Variants in NDRG2 observed in about 807,000 individuals in gnomAD.
NDRG2 encodes protein NDRG2.
Under a neutral mutation model 58.2 loss-of-function variants are expected in NDRG2, and 34 were observed. The observed-to-expected ratio is 0.58, with a 90% CI of 0.44 to 0.78. The LOEUF is 0.78. Among genes scored for constraint, NDRG2 ranks in the 30% least tolerant of loss-of-function variants. The probability of loss-of-function intolerance (pLI) is 0.00; values close to 1 mark genes in which losing one functional copy is unlikely to be tolerated. For missense variants in NDRG2, 434 were observed against 471.2 expected, an observed-to-expected ratio of 0.92 and a Z score of 0.73; for synonymous variants, 187 against 175.9, an observed-to-expected ratio of 1.06 and a Z score of -0.50.
At chr14:21,018,370 G>A in intron 13 of NDRG2, 87 bp downstream of exon 13, 1 of 1,605,402 alleles carries the variant, frequency 6.2e-7, no homozygotes. Context: ...CACCCCATTT[G>A]CTCCCATGCC....
chr14:21,043,152 G>C, intron 1 of NDRG2: 1 of 1,614,146 alleles, frequency 6.2e-7, no homozygotes, highest in Non-Finnish European at 8.5e-7. Flanking sequence ...ATGCAACTCA[G>C]CCATGAAAAA....
At chr14:21,025,548 C>T, upstream of NDRG2, 1 of 985,338 alleles carries the variant, frequency 1.0e-6, no homozygotes, top group East Asian at 1.1e-4. This position sits in a 1 kb window ranked among gnomAD's most constrained non-coding sequence, Gnocchi z 5.1. Flanking sequence ...AGGAGGTGGG[C>T]GGGACCGCCG....
intron 1 of NDRG2, among the ~76,000 whole-genome samples, chr14:21,047,818 G>C (rs900418805): frequency 2.0e-5 from 3 of 152,112 alleles, no homozygotes; most frequent in South Asian, 2.1e-4. Flanking sequence ...ATCTGAGGTA[G>C]ACTGGGGAGG....
intron 6 of NDRG2, chr14:21,021,417 C>T (rs996376117): frequency 6.4e-6 from 2 of 312,206 alleles, no homozygotes; most frequent in Non-Finnish European, 1.2e-5. Flanking sequence ...CCTTCCCCAA[C>T]TCTCTCTCAC....
chr14:21,025,100 A>T (rs1295691667), upstream of NDRG2: 3 of 984,328 alleles, frequency 3.0e-6, no homozygotes, highest in Non-Finnish European at 1.2e-6. The surrounding 1 kb of genome is among the most constrained non-coding windows in gnomAD (Gnocchi z 5.1). Context: ...GGCTTCCCGC[A>T]GACCCGCCCC....
chr14:21,059,535 C>T (rs887060703), intron 1 of NDRG2, among the ~76,000 whole-genome samples: 1 of 151,844 alleles, frequency 6.6e-6, no homozygotes, highest in East Asian at 1.9e-4. Context: ...CACTCTGTCA[C>T]CCATGCTGCA....
In NDRG2 at chr14:21,037,116, C is replaced by T. The variant is rs190424213; in HGVS notation, c.25-13795G>A. 4.9e-3 allele frequency among the ~76,000 whole-genome samples: 615 copies of T among 126,470 alleles called. 3 individuals are homozygous for T. The highest frequency in any genetic ancestry group is 0.019 in the African/African-American group (567 of 29,272). The allele number at this position is 126,470 out of a possible 152,430, so 83.0% of individuals were successfully genotyped here. On this transcript the variant is annotated intron_variant, in intron 1 of 14. Coordinates refer to the NDRG2 transcript ENST00000403829. ...TCCCCAGCCACCCATCACCGCTCTT[C>T]GCTCCCCCCACCCAACACCACTCAC...
chr14:21,039,738 G>T (rs1884805986), intron 1 of NDRG2, among the ~76,000 whole-genome samples: 1 of 152,188 alleles, frequency 6.6e-6, no homozygotes, highest in South Asian at 2.1e-4. Context: ...CGATTTTCAT[G>T]TGCAAACTTA....
intron 1 of NDRG2, among the ~76,000 whole-genome samples, chr14:21,038,504 G>A (rs1884754222): frequency 1.3e-5 from 2 of 152,312 alleles, no homozygotes; most frequent in South Asian, 4.1e-4. Flanking sequence ...AAGTTTTCCT[G>A]AAGGGTCACC....
At chr14:21,045,577 A>T (rs115073084) in intron 1 of NDRG2, among the ~76,000 whole-genome samples, 2,881 of 152,278 alleles carry the variant, frequency 0.019, 90 homozygotes, top group African/African-American at 0.064. Context: ...TCTTCATTTT[A>T]TTCTTTTTTC....
At chr14:21,061,365 TG>T (rs1885949664) in intron 1 of NDRG2, among the ~76,000 whole-genome samples, 1 of 152,018 alleles carries the variant, frequency 6.6e-6, no homozygotes, top group South Asian at 2.1e-4. Flanking sequence ...TCCAAACAAG[TG>T]GGGGTAGCAA....
chr14:21,060,545 C>A (rs1014871642), intron 1 of NDRG2, among the ~76,000 whole-genome samples: 1 of 152,190 alleles, frequency 6.6e-6, no homozygotes, highest in African/African-American at 2.4e-5. Flanking sequence ...ACTTGAGTGA[C>A]TTGATTTACT....
At chr14:21,066,255 CA>C (rs1566512780) in intron 1 of NDRG2, among the ~76,000 whole-genome samples, 1 of 150,536 alleles carries the variant, frequency 6.6e-6, no homozygotes, top group Non-Finnish European at 1.5e-5. Flanking sequence ...AATCATGATG[CA>C]AATGGAAAGC....
At chr14:21,018,410 G>C (rs1293662575) in intron 13 of NDRG2, 47 bp downstream of exon 13, 1 of 1,612,200 alleles carries the variant, frequency 6.2e-7, no homozygotes, top group Non-Finnish European at 8.5e-7. Context: ...GCTGCATGTA[G>C]AGAGGATATA....
At position 21,018,640 on chromosome 14, in the gene NDRG2, C is replaced by A. The variant is rs1305208748; in HGVS notation, c.813+123G>T. On this transcript the variant is annotated intron_variant, in intron 12 of 15. Coordinates refer to ENST00000556147, the MANE Select transcript of NDRG2 (RefSeq NM_001320329.2). ...GTTCCTCCTTACCAGGAATCAAATTCTTAGTGCCCCAAAGTTGATCTCCCT... is the reference window on the plus strand; with the variant it reads ...GTTCCTCCTTACCAGGAATCAAATTATTAGTGCCCCAAAGTTGATCTCCCT... 1.9e-6 allele frequency: 3 copies of A among 1,562,654 alleles called. No individual in the cohort carries two copies. In the African/African-American group the frequency reaches 4.1e-5, roughly 21 times the overall value.
chr14:21,024,115 G>A lies in NDRG2; in HGVS notation c.-92C>T, dbSNP rs958172107. 7.1e-6 allele frequency: 7 copies of A among 985,316 alleles called. No individual in the cohort carries two copies. The African/African-American group carries it at 1.0e-4, about 15-fold the overall frequency. The allele number at this position is 985,316 out of a possible 1,614,324, so 61.0% of individuals were successfully genotyped here. ...CTGGGGTCTGAGAAAACACAGCAACGAGGTGAATGACATGGGAGACAGACC... is the reference window on the plus strand; with the variant it reads ...CTGGGGTCTGAGAAAACACAGCAACAAGGTGAATGACATGGGAGACAGACC... On this transcript the variant is annotated 5_prime_UTR_variant, in exon 1 of 16. Transcript: ENST00000556147.
intron 1 of NDRG2, chr14:21,035,946 C>A (rs755707917): frequency 2.4e-6 from 1 of 423,182 alleles, no homozygotes; most frequent in South Asian, 1.7e-5. Flanking sequence ...CTGCAGCTTA[C>A]AAACTGCACA....
chr14:21,023,512 G>C, intron 1 of NDRG2, 191 bp from the exon 2 acceptor site: 1 of 592,206 alleles, frequency 1.7e-6, no homozygotes, highest in Non-Finnish European at 3.0e-6. Flanking sequence ...TGGAAGCTTT[G>C]GAAGAGGAAT....
At chr14:21,020,691 T>C in intron 7 of NDRG2, 93 bp downstream of exon 7, 1 of 1,583,924 alleles carries the variant, frequency 6.3e-7, no homozygotes, top group East Asian at 2.2e-5. Flanking sequence ...CCCCACCTAG[T>C]GCCCACTTCC....
Sources: allele counts gnomAD v4.1 joint callset (sites outside exome capture counted in the v4.1 genomes callset), GRCh38; gene constraint gnomAD v4.1.1; non-coding constraint Gnocchi (gnomAD v3.1); transcripts MANE v1.5; gene names NCBI Gene and HGNC (gene_info 2026-07-23, HGNC 2026-07-21).